Variants in TMEM117 observed in about 807,000 individuals in gnomAD.
TMEM117 encodes transmembrane protein 117.
In TMEM117, 27 loss-of-function variants were observed where a neutral mutation model predicts 52.4. The ratio of observed to expected loss-of-function variants is 0.51; its 90% CI spans 0.38 to 0.71. The LOEUF is 0.71. Ranked by LOEUF, TMEM117 falls within the 30% of genes least tolerant of loss-of-function variation. The pLI is 0.00. For missense variants in TMEM117, 556 were observed against 630.5 expected (o/e 0.88, Z 1.26); for synonymous variants, 215 against 206.3 (o/e 1.04, Z -0.36).
At chr12:44,047,708 T>C (rs74084624) in intron 3 of TMEM117, among the ~76,000 whole-genome samples, 7,552 of 152,250 alleles carry the variant, frequency 0.05, 562 homozygotes, top group African/African-American at 0.17. Flanking sequence ...CCCAAAATGG[T>C]AGGCCCTTAG....
intron 3 of TMEM117, among the ~76,000 whole-genome samples, chr12:43,971,596 C>A (rs575222712): frequency 1.3e-5 from 2 of 152,306 alleles, no homozygotes; most frequent in South Asian, 4.1e-4. Context: ...GCTTAGACAT[C>A]ATTTCCTCTG....
chr12:44,083,449 T>C (rs1228888722), intron 3 of TMEM117: 1 of 146,876 alleles, frequency 6.8e-6, no homozygotes, highest in Non-Finnish European at 1.5e-5. Flanking sequence ...CAGGCTGGAC[T>C]GGAGTGCAGT....
intron 3 of TMEM117, among the ~76,000 whole-genome samples, chr12:44,042,059 C>G (rs1293603680): frequency 2.6e-5 from 4 of 152,214 alleles, no homozygotes; most frequent in African/African-American, 2.4e-5. Flanking sequence ...TCAAACTTCT[C>G]TCTTACAGGT....
chr12:44,148,156 C>A (rs1240684268), intron 4 of TMEM117, among the ~76,000 whole-genome samples: 1 of 152,154 alleles, frequency 6.6e-6, no homozygotes, highest in Non-Finnish European at 1.5e-5. Context: ...GTTGTAGACA[C>A]ATAAAACAGG....
intron 3 of TMEM117, among the ~76,000 whole-genome samples, chr12:44,137,247 G>A (rs760708748): frequency 1.9e-4 from 29 of 152,002 alleles, no homozygotes; most frequent in Non-Finnish European, 2.5e-4. Context: ...CTAGGGAAGC[G>A]ATAACTTTCA....
Position 44,248,034 on chromosome 12 carries a change from T to C in TMEM117, c.608+36647T>C, listed in dbSNP as rs149998518. On this transcript the variant is annotated intron_variant, in intron 5 of 7. Transcript: ENST00000266534. ...CTTGGGTTATGCTAACAGCTTCCAG[T>C]TTGGGTCTCAGGTTCTGACTCAGAA... Among the ~76,000 whole-genome samples, 593 of 152,292 alleles carry C rather than the reference T, an allele frequency of 3.9e-3. 4 individuals are homozygous for C. The highest frequency in any genetic ancestry group is 0.01 in the Middle Eastern group (3 of 294).
At chr12:44,320,345 A>G (rs1381286068) in intron 6 of TMEM117, among the ~76,000 whole-genome samples, 1 of 152,206 alleles carries the variant, frequency 6.6e-6, no homozygotes, top group African/African-American at 2.4e-5. Context: ...ATATTAGTAC[A>G]AAGCCCTTTC....
At chr12:44,193,678 A>T (rs547914764) in intron 4 of TMEM117, among the ~76,000 whole-genome samples, 1 of 152,352 alleles carries the variant, frequency 6.6e-6, no homozygotes, top group African/African-American at 2.4e-5. Context: ...AGAGGAAAAC[A>T]TAAAGTATCC....
At chr12:43,907,155 G>A (rs573725208) in intron 2 of TMEM117, among the ~76,000 whole-genome samples, 20 of 152,160 alleles carry the variant, frequency 1.3e-4, no homozygotes, top group Non-Finnish European at 2.5e-4. Context: ...ATCTGAGAAC[G>A]GGCAGACTGC....
chr12:44,070,082 G>T (rs1947279120), intron 3 of TMEM117, among the ~76,000 whole-genome samples: 1 of 152,084 alleles, frequency 6.6e-6, no homozygotes, highest in African/African-American at 2.4e-5. Context: ...GTAGAGATAG[G>T]GTCTTGCCAT....
intron 3 of TMEM117, among the ~76,000 whole-genome samples, chr12:44,059,746 A>G (rs550174236): frequency 6.6e-6 from 1 of 152,362 alleles, no homozygotes; most frequent in South Asian, 2.1e-4. Context: ...TTACAGCAGC[A>G]GAAAAAGCAG....
chr12:43,827,969 A>G, the TMEM117 span, among the ~76,000 whole-genome samples: 1 of 152,216 alleles, frequency 6.6e-6, no homozygotes, highest in South Asian at 2.1e-4. Context: ...TCTGCAAGTC[A>G]AGGAATACCA....
Position 44,059,486 on chromosome 12 carries a change from A to G in TMEM117, c.411-84039A>G, listed in dbSNP as rs575916344. On this transcript the variant is annotated intron_variant, in intron 3 of 7. Coordinates refer to ENST00000266534, the MANE Select transcript of TMEM117 (RefSeq NM_032256.3). ...TATTTTAGTTGTTTAAGAATGTGTGATAATCTCACTCTTTCATTTTGGGGT... is the reference window on the plus strand; with the variant it reads ...TATTTTAGTTGTTTAAGAATGTGTGGTAATCTCACTCTTTCATTTTGGGGT... Among the ~76,000 whole-genome samples, 4 of 152,300 alleles carry G rather than the reference A, an allele frequency of 2.6e-5. No homozygotes were observed. The East Asian group carries it at 7.7e-4, about 29-fold the overall frequency.
chr12:44,137,140 C>T (rs73288089), intron 3 of TMEM117, among the ~76,000 whole-genome samples: 4,577 of 148,530 alleles, frequency 0.031, 158 homozygotes, highest in African/African-American at 0.084. Context: ...CTTGATGAAG[C>T]AAATCTTATG....
the TMEM117 span, among the ~76,000 whole-genome samples, chr12:43,822,240 A>G: frequency 7.2e-5 from 11 of 152,356 alleles, no homozygotes; most frequent in Non-Finnish European, 1.5e-4. Flanking sequence ...GAGCCCAGAT[A>G]ATTACCCAAC....
upstream of TMEM117, chr12:43,835,933 C>G (rs1296726130): frequency 6.6e-6 from 1 of 151,676 alleles, no homozygotes; most frequent in Non-Finnish European, 1.5e-5. Context: ...GGCGCCGGTG[C>G]CCTTGCGCTC....
In TMEM117 at chr12:43,996,799, G is replaced by T. The variant is rs189323317; in HGVS notation, c.410+52457G>T. 2.7e-3 allele frequency among the ~76,000 whole-genome samples: 406 copies of T among 152,216 alleles called. 4 individuals are homozygous for T. Among genetic ancestry groups the T allele is most frequent in the African/African-American group, 9.2e-3 (382 of 41,514 alleles). ...AGTGGCAGTCTTTAGTCGGATCAGA[G>T]ATGGGCACTTGACTCAAAATGAGCT... On this transcript the variant is annotated intron_variant, in intron 3 of 7. Transcript: ENST00000266534.
At chr12:43,797,067 C>T in the TMEM117 span, 16 of 1,604,542 alleles carry the variant, frequency 1.0e-5, no homozygotes, top group Non-Finnish European at 1.4e-5. Context: ...TCTTATACTG[C>T]ATGTGTATCC....
chr12:44,087,159 CA>C (rs1186283411), intron 3 of TMEM117, among the ~76,000 whole-genome samples: 3 of 151,450 alleles, frequency 2.0e-5, no homozygotes, highest in Admixed American at 6.6e-5. Context: ...ATCTGTGCCA[CA>C]AAATTAGTAC....
Sources: gnomAD v4.1 joint callset for allele counts (sites outside exome capture counted in the v4.1 genomes callset) on GRCh38, gnomAD v4.1.1 for gene constraint, MANE v1.5 for transcripts, NCBI Gene and HGNC (gene_info 2026-07-23, HGNC 2026-07-21) for gene names.